Variants in SHISA9 observed in about 807,000 individuals in gnomAD.
The protein encoded by SHISA9 is shisa family member 9, also known as protein shisa-9.
Under a neutral mutation model 38.0 loss-of-function variants are expected in SHISA9, and 13 were observed. The ratio of observed to expected loss-of-function variants is 0.34; its 90% CI spans 0.22 to 0.54. The LOEUF is 0.54. Among genes scored for constraint, SHISA9 ranks in the 20% least tolerant of loss-of-function variants. SHISA9 has a pLI of 0.91. For synonymous variants in SHISA9, 275 were observed against 242.0 expected (o/e 1.14, Z -1.27); for missense variants, 538 against 575.8 (o/e 0.93, Z 0.67).
chr16:13,356,048 G>T, the SHISA9 span, among the ~76,000 whole-genome samples: 3 of 152,230 alleles, frequency 2.0e-5, no homozygotes, highest in African/African-American at 7.2e-5. Flanking sequence ...CCTGTGGGAG[G>T]AGGTTCTGGA....
the SHISA9 span, among the ~76,000 whole-genome samples, chr16:13,366,783 G>A: frequency 6.6e-6 from 1 of 152,100 alleles, no homozygotes; most frequent in Non-Finnish European, 1.5e-5. Flanking sequence ...GGTCAGTTGA[G>A]ACCAGCCTGG....
chr16:12,902,721 C>A, intron 1 of SHISA9, 94 bp downstream of exon 1: 1 of 1,259,648 alleles, frequency 7.9e-7, no homozygotes. Context: ...CCCCACGGTC[C>A]CCGCTCCCCG....
chr16:13,398,372 G>A, the SHISA9 span, among the ~76,000 whole-genome samples: 1 of 152,160 alleles, frequency 6.6e-6, no homozygotes, highest in Non-Finnish European at 1.5e-5. Context: ...TGACTGCACA[G>A]GGAGTTGATA....
At chr16:13,094,221 G>A (rs1159904675) in intron 2 of SHISA9, among the ~76,000 whole-genome samples, 1 of 152,150 alleles carries the variant, frequency 6.6e-6, no homozygotes, top group Non-Finnish European at 1.5e-5. Flanking sequence ...TGTGGGTAGA[G>A]GAGGCAGTTT....
the SHISA9 span, chr16:13,246,461 A>G: frequency 2.6e-5 from 4 of 152,230 alleles, no homozygotes; most frequent in African/African-American, 9.7e-5. Flanking sequence ...GCAGCGTGAG[A>G]TCAGACTAAA....
At chr16:13,472,753 T>A in the SHISA9 span, among the ~76,000 whole-genome samples, 2 of 152,202 alleles carry the variant, frequency 1.3e-5, no homozygotes, top group African/African-American at 4.8e-5. Context: ...TTTCTCTTGC[T>A]ATGTCTTCAA....
chr16:13,089,133 C>T (rs1000773022), intron 2 of SHISA9, among the ~76,000 whole-genome samples: 2 of 152,178 alleles, frequency 1.3e-5, no homozygotes, highest in African/African-American at 4.8e-5. Context: ...GTGTGTTGAA[C>T]CAGCCTTGTA....
chr16:13,016,122 G>T (rs1401439374), intron 2 of SHISA9, among the ~76,000 whole-genome samples: 1 of 150,610 alleles, frequency 6.6e-6, no homozygotes. Context: ...CAAGTAGCTG[G>T]AATTACAGGC....
the SHISA9 span, among the ~76,000 whole-genome samples, chr16:13,272,221 AT>A: frequency 6.6e-6 from 1 of 152,122 alleles, no homozygotes; most frequent in African/African-American, 2.4e-5. Context: ...AGCTCAATAA[AT>A]TTTTTTATAA....
chr16:13,553,970 A>G, the SHISA9 span, among the ~76,000 whole-genome samples: 1 of 152,258 alleles, frequency 6.6e-6, no homozygotes, highest in African/African-American at 2.4e-5. Flanking sequence ...ATAAAATCCT[A>G]TTAAAATCTA....
the SHISA9 span, among the ~76,000 whole-genome samples, chr16:13,503,533 G>C: frequency 3.3e-5 from 5 of 152,124 alleles, no homozygotes; most frequent in Non-Finnish European, 7.3e-5. Context: ...CAGCATGGCA[G>C]CTGGATTCTA....
At chr16:12,977,963 C>A (rs951697564) in intron 2 of SHISA9, among the ~76,000 whole-genome samples, 1 of 151,516 alleles carries the variant, frequency 6.6e-6, no homozygotes, top group South Asian at 2.1e-4. Context: ...CGCACATGTA[C>A]CTTGGAACTT....
the SHISA9 span, among the ~76,000 whole-genome samples, chr16:13,267,343 A>G: frequency 6.6e-6 from 1 of 152,222 alleles, no homozygotes. Flanking sequence ...TAAAATGGCA[A>G]TACTATTTTC....
chr16:12,911,484 G>GT (rs2071183034), intron 1 of SHISA9: 1 of 716,312 alleles, frequency 1.4e-6, no homozygotes, highest in African/African-American at 1.9e-5. Context: ...TGAAGCATAC[G>GT]TAAGGACAGA....
chr16:13,427,652 G>A, the SHISA9 span, among the ~76,000 whole-genome samples: 1 of 152,166 alleles, frequency 6.6e-6, no homozygotes, highest in Non-Finnish European at 1.5e-5. Context: ...GTTGGGACAT[G>A]AATGACAGTG....
At chr16:13,423,027 T>G in the SHISA9 span, among the ~76,000 whole-genome samples, 1 of 152,226 alleles carries the variant, frequency 6.6e-6, no homozygotes, top group African/African-American at 2.4e-5. Flanking sequence ...AGGTGCATGG[T>G]CTTGCACAAA....
chr16:13,218,663 C>T (rs962285464), intron 4 of SHISA9, among the ~76,000 whole-genome samples: 2 of 152,170 alleles, frequency 1.3e-5, no homozygotes, highest in African/African-American at 4.8e-5. Context: ...TGCCATGTCT[C>T]TTTAAGAGGG....
At chr16:12,997,438 G>T (rs1212818258) in intron 2 of SHISA9, among the ~76,000 whole-genome samples, 2 of 139,246 alleles carry the variant, frequency 1.4e-5, no homozygotes, top group Non-Finnish European at 3.0e-5. Context: ...AGACAGTCTC[G>T]CTCTGTTGGC....
At chr16:13,337,517 T>A in the SHISA9 span, among the ~76,000 whole-genome samples, 6 of 152,306 alleles carry the variant, frequency 3.9e-5, no homozygotes, top group South Asian at 1.2e-3. Context: ...GAAAACAGAC[T>A]AATATGGTTA....
Sources: gnomAD v4.1 joint callset for allele counts (sites outside exome capture counted in the v4.1 genomes callset) on GRCh38, gnomAD v4.1.1 for gene constraint, MANE v1.5 for transcripts, NCBI Gene and HGNC (gene_info 2026-07-23, HGNC 2026-07-21) for gene names.